The following RRAS2 variants were observed in gnomAD, a reference collection of about 807,000 sequenced individuals.
The protein encoded by RRAS2 is ras-related protein R-Ras2.
RRAS2 carries 7 observed loss-of-function variants against 27.6 expected under a neutral mutation model. That is an observed-to-expected ratio of 0.25 (90% CI 0.14 to 0.48). RRAS2 has a LOEUF of 0.48. Among genes scored for constraint, RRAS2 ranks in the 20% least tolerant of loss-of-function variants. RRAS2 has a pLI of 0.99. For missense variants in RRAS2, 178 were observed against 256.2 expected (o/e 0.69, Z 2.08); for synonymous variants, 86 against 90.9 (o/e 0.95, Z 0.31).
At chr11:14,325,856 T>C (rs1554950948) in intron 1 of RRAS2, among the ~76,000 whole-genome samples, 1 of 152,222 alleles carries the variant, frequency 6.6e-6, no homozygotes, top group Non-Finnish European at 1.5e-5. Context: ...TTCCATTGTA[T>C]CTTCTACTTG....
chr11:14,349,984 G>C (rs1848916333), intron 1 of RRAS2, among the ~76,000 whole-genome samples: 1 of 152,176 alleles, frequency 6.6e-6, no homozygotes, highest in African/African-American at 2.4e-5. Flanking sequence ...GGTATCCTCA[G>C]AAGGGTCCCT....
chr11:14,278,806 A>C lies in RRAS2; in HGVS notation c.*531T>G, dbSNP rs1416914957. 7 of 152,918 alleles carry C rather than the reference A, an allele frequency of 4.6e-5. No individual in the cohort carries two copies. The highest frequency in any genetic ancestry group is 1.7e-4 in the African/African-American group (7 of 41,464). The allele number at this position is 152,918 out of a possible 1,614,324, so 9.5% of individuals were successfully genotyped here. A position where few individuals can be genotyped will look rare whatever the true frequency, so the allele number is the denominator to read the frequency against. On this transcript the variant is annotated 3_prime_UTR_variant, in exon 6 of 6. Transcript: ENST00000256196. ...ACAGGCATTTGGTATTTTGGCCATC[A>C]GAAAACAAAAGTTGTAGTATCAGTA...
At chr11:14,309,286 T>C (rs1246953072) in intron 1 of RRAS2, among the ~76,000 whole-genome samples, 1 of 152,210 alleles carries the variant, frequency 6.6e-6, no homozygotes, top group Non-Finnish European at 1.5e-5. Flanking sequence ...GCACATGTTC[T>C]ATTACTAAAC....
chr11:14,300,439 C>T (rs782152150), intron 1 of RRAS2, among the ~76,000 whole-genome samples: 9 of 152,080 alleles, frequency 5.9e-5, no homozygotes, highest in Non-Finnish European at 1.2e-4. Flanking sequence ...TGGTGGCACG[C>T]GCCTATAGTC....
intron 1 of RRAS2, among the ~76,000 whole-genome samples, chr11:14,296,878 A>C (rs1319147579): frequency 6.6e-6 from 1 of 152,096 alleles, no homozygotes; most frequent in Admixed American, 6.6e-5. Context: ...ATCTCAGCCT[A>C]CATTTCAGTT....
At chr11:14,308,334 TA>T (rs1554948405) in intron 1 of RRAS2, 1 of 435,816 alleles carries the variant, frequency 2.3e-6, no homozygotes, top group Non-Finnish European at 4.5e-6. Context: ...AGATTAAACA[TA>T]AACTCTTTAG....
chr11:14,288,431 T>A (rs1554945373), intron 4 of RRAS2, among the ~76,000 whole-genome samples: 1 of 152,100 alleles, frequency 6.6e-6, no homozygotes, highest in Admixed American at 6.5e-5. Flanking sequence ...AGCATTGCCA[T>A]CACCAAAGCA....
At chr11:14,305,759 T>C (rs1043287192) in intron 1 of RRAS2, among the ~76,000 whole-genome samples, 19 of 152,284 alleles carry the variant, frequency 1.2e-4, no homozygotes, top group Non-Finnish European at 2.5e-4. Flanking sequence ...TTAAACTCAG[T>C]CTTGGCCGTG....
intron 1 of RRAS2, among the ~76,000 whole-genome samples, chr11:14,313,121 A>G (rs1848014274): frequency 6.6e-6 from 1 of 152,258 alleles, no homozygotes; most frequent in Non-Finnish European, 1.5e-5. Context: ...AACATGATTC[A>G]TATCAAAAGG....
chr11:14,301,836 G>A (rs530227371), intron 1 of RRAS2, among the ~76,000 whole-genome samples: 20 of 152,088 alleles, frequency 1.3e-4, no homozygotes, highest in Admixed American at 3.3e-4. Flanking sequence ...AAAATTAGCT[G>A]GGCGTGATAG....
intron 4 of RRAS2, among the ~76,000 whole-genome samples, chr11:14,282,672 A>C (rs1849571677): frequency 6.6e-6 from 1 of 151,312 alleles, no homozygotes; most frequent in Admixed American, 6.6e-5. Context: ...AAAAAAAATC[A>C]AAGAAAATTT....
At chr11:14,331,871 CAA>C (rs1252445701) in intron 1 of RRAS2, among the ~76,000 whole-genome samples, 2 of 151,980 alleles carry the variant, frequency 1.3e-5, no homozygotes, top group Non-Finnish European at 2.9e-5. Flanking sequence ...ATCCAATTTT[CAA>C]AAGAGACAAA....
At chr11:14,317,542 T>C (rs571151461) in intron 1 of RRAS2, among the ~76,000 whole-genome samples, 1 of 152,346 alleles carries the variant, frequency 6.6e-6, no homozygotes, top group South Asian at 2.1e-4. Context: ...ACCGTGCCAT[T>C]GCACTCCAGC....
chr11:14,361,875 G>A (rs192305152), upstream of RRAS2, among the ~76,000 whole-genome samples: 60 of 152,218 alleles, frequency 3.9e-4, no homozygotes, highest in African/African-American at 1.1e-3. Flanking sequence ...AAAAAATGTC[G>A]TATAGCCACG....
At chr11:14,363,574 G>C (rs1174152813), upstream of RRAS2, among the ~76,000 whole-genome samples, 1 of 152,032 alleles carries the variant, frequency 6.6e-6, no homozygotes, top group African/African-American at 2.4e-5. Context: ...TTCAAGACCA[G>C]CCTGGCCAAC....
At chr11:14,293,441 A>G (rs987567611) in intron 4 of RRAS2, among the ~76,000 whole-genome samples, 7 of 152,034 alleles carry the variant, frequency 4.6e-5, no homozygotes, top group African/African-American at 1.7e-4. Context: ...AAAGCCATAT[A>G]ACATTGATAT....
intron 1 of RRAS2, among the ~76,000 whole-genome samples, chr11:14,310,249 A>G (rs550894543): frequency 6.6e-6 from 1 of 152,234 alleles, no homozygotes. Flanking sequence ...GGTTTTGTAC[A>G]TGTTCTGTTA....
upstream of RRAS2, chr11:14,359,198 C>T (rs1849154405): frequency 5.1e-6 from 5 of 978,568 alleles, no homozygotes; most frequent in African/African-American, 1.8e-5. Context: ...GCCGGGCTGC[C>T]AGGCTGAGGT....
intron 1 of RRAS2, among the ~76,000 whole-genome samples, chr11:14,303,581 G>T (rs185772004): frequency 6.6e-6 from 1 of 152,134 alleles, no homozygotes; most frequent in Admixed American, 6.5e-5. Context: ...CCACAAAAAG[G>T]GGGGAAAAAA....
Sources: allele counts gnomAD v4.1 joint callset (sites outside exome capture counted in the v4.1 genomes callset), GRCh38; gene constraint gnomAD v4.1.1; transcripts MANE v1.5; gene names NCBI Gene and HGNC (gene_info 2026-07-23, HGNC 2026-07-21).